CDK19: variants seen among roughly 807,000 people sequenced by gnomAD.
CDK19 encodes cyclin dependent kinase 19.
In CDK19, 20 loss-of-function variants were observed where a neutral mutation model predicts 68.3. The ratio of observed to expected loss-of-function variants is 0.29; its 90% confidence interval spans 0.21 to 0.43. CDK19 has a LOEUF of 0.43. Among genes scored for constraint, CDK19 ranks in the 20% least tolerant of loss-of-function variants. The pLI, the probability that CDK19 is intolerant of heterozygous loss-of-function variation, is 1.00. For synonymous variants in CDK19, 221 were observed against 222.8 expected (o/e 0.99, Z 0.07); for missense variants, 339 against 623.5 (o/e 0.54, Z 4.86).
chr6:110,739,524 C>A (rs1777494440), intron 2 of CDK19, among the ~76,000 whole-genome samples: 2 of 151,722 alleles, frequency 1.3e-5, no homozygotes, highest in African/African-American at 4.9e-5. Flanking sequence ...TGCCCTTCAC[C>A]CTACTTCCCC....
chr6:110,801,578 C>T (rs1782349787), intron 1 of CDK19, among the ~76,000 whole-genome samples: 1 of 152,006 alleles, frequency 6.6e-6, no homozygotes, highest in South Asian at 2.1e-4. Flanking sequence ...GTGGCGTCAT[C>T]TCGGCTTACT....
intron 2 of CDK19, among the ~76,000 whole-genome samples, chr6:110,680,914 T>C (rs1402783902): frequency 6.6e-6 from 1 of 151,990 alleles, no homozygotes; most frequent in Non-Finnish European, 1.5e-5. Flanking sequence ...GGAGAATCAC[T>C]TGAACCTGGG....
At chr6:110,812,267 C>A (rs966409790) in intron 1 of CDK19, among the ~76,000 whole-genome samples, 5 of 151,966 alleles carry the variant, frequency 3.3e-5, no homozygotes, top group Non-Finnish European at 5.9e-5. Flanking sequence ...ACTACAAGTA[C>A]CCGCCACCAT....
chr6:110,641,688 G>C (rs1489441446), intron 4 of CDK19, among the ~76,000 whole-genome samples: 3 of 112,814 alleles, frequency 2.7e-5, no homozygotes, highest in African/African-American at 7.2e-5. Flanking sequence ...GAAGGAAGGA[G>C]GGACAAGGCA....
intron 2 of CDK19, among the ~76,000 whole-genome samples, chr6:110,677,448 C>T (rs1022894848): frequency 6.6e-6 from 1 of 151,924 alleles, no homozygotes; most frequent in Non-Finnish European, 1.5e-5. Flanking sequence ...CACCTGTAGT[C>T]CCAGCTACTC....
At chr6:110,768,786 T>C (rs887598041) in intron 1 of CDK19, among the ~76,000 whole-genome samples, 8 of 152,176 alleles carry the variant, frequency 5.3e-5, no homozygotes, top group Non-Finnish European at 1.2e-4. Flanking sequence ...CTCTGTATGA[T>C]ACTGTAATGG....
At chr6:110,791,102 C>T (rs183768359) in intron 1 of CDK19, among the ~76,000 whole-genome samples, 99 of 151,382 alleles carry the variant, frequency 6.5e-4, no homozygotes, top group African/African-American at 1.9e-3. Flanking sequence ...ACCTGGGAGG[C>T]GGAGGTTGCA....
intron 5 of CDK19, among the ~76,000 whole-genome samples, chr6:110,635,694 C>G (rs1331042685): frequency 6.6e-6 from 1 of 152,138 alleles, no homozygotes; most frequent in Non-Finnish European, 1.5e-5. Context: ...CACGCACCAC[C>G]ACGCCCAGCT....
intron 12 of CDK19, among the ~76,000 whole-genome samples, chr6:110,616,045 A>G (rs1317591764): frequency 6.6e-6 from 1 of 152,084 alleles, no homozygotes; most frequent in Non-Finnish European, 1.5e-5. Flanking sequence ...ACCCCTGCCC[A>G]CCAAAGTATC....
At chr6:110,809,771 A>G (rs1268549582) in intron 1 of CDK19, among the ~76,000 whole-genome samples, 1 of 152,176 alleles carries the variant, frequency 6.6e-6, no homozygotes, top group East Asian at 1.9e-4. Context: ...AATTGAATAT[A>G]ATTTTGTGTA....
chr6:110,624,317 A>G (rs190460365), intron 8 of CDK19, among the ~76,000 whole-genome samples: 1 of 152,274 alleles, frequency 6.6e-6, no homozygotes, highest in Admixed American at 6.5e-5. Flanking sequence ...AGAGGTGAGC[A>G]AAGGGGTATT....
chr6:110,764,453 A>G (rs1779434496), intron 1 of CDK19, among the ~76,000 whole-genome samples: 1 of 152,224 alleles, frequency 6.6e-6, no homozygotes, highest in Non-Finnish European at 1.5e-5. Context: ...ATAGACTCAC[A>G]CAAATATACT....
chr6:110,687,842 T>C (rs1210015697), intron 2 of CDK19, among the ~76,000 whole-genome samples: 2 of 152,220 alleles, frequency 1.3e-5, no homozygotes, highest in African/African-American at 2.4e-5. Flanking sequence ...CTTTCGATAA[T>C]TTTGTGTTTT....
chr6:110,794,532 G>A (rs1430040858), intron 1 of CDK19, among the ~76,000 whole-genome samples: 1 of 151,288 alleles, frequency 6.6e-6, no homozygotes, highest in Non-Finnish European at 1.5e-5. Context: ...CTCCCGAGTA[G>A]CTGGGACTAC....
chr6:110,635,496 G>A (rs894266751), intron 5 of CDK19, among the ~76,000 whole-genome samples: 1 of 152,140 alleles, frequency 6.6e-6, no homozygotes, highest in African/African-American at 2.4e-5. Flanking sequence ...ACAGCAAAGG[G>A]CAAAATGTGT....
At chr6:110,670,397 A>C (rs534849779) in intron 3 of CDK19, 34 bp downstream of exon 3, 1 of 1,224,400 alleles carries the variant, frequency 8.2e-7, no homozygotes, top group East Asian at 2.3e-5. Flanking sequence ...ACCTATATAA[A>C]ACAATCCTAG....
At chr6:110,720,290 C>T (rs974554110) in intron 2 of CDK19, among the ~76,000 whole-genome samples, 6 of 152,078 alleles carry the variant, frequency 3.9e-5, no homozygotes, top group African/African-American at 1.4e-4. Context: ...ACTTTAGAGA[C>T]CTTAGACAAG....
chr6:110,744,709 A>G (rs1777953345), intron 2 of CDK19, among the ~76,000 whole-genome samples: 1 of 152,202 alleles, frequency 6.6e-6, no homozygotes, highest in African/African-American at 2.4e-5. Flanking sequence ...CAAAGTACAC[A>G]CAGTCCAGGG....
chr6:110,767,624 G>T (rs964234241), intron 1 of CDK19, among the ~76,000 whole-genome samples: 1 of 151,898 alleles, frequency 6.6e-6, no homozygotes, highest in African/African-American at 2.4e-5. Flanking sequence ...CCAAAGTGCT[G>T]GGATTACTGG....
Sources: gnomAD v4.1 joint callset for allele counts (sites outside exome capture counted in the v4.1 genomes callset) on GRCh38, gnomAD v4.1.1 for gene constraint, MANE v1.5 for transcripts, NCBI Gene and HGNC (gene_info 2026-07-23, HGNC 2026-07-21) for gene names.